The following CRACDL variants were observed in gnomAD, a reference collection of about 807,000 sequenced individuals.
CRACDL encodes the protein CRACD-like protein.
CRACDL carries 26 observed loss-of-function variants against 70.6 expected under a neutral mutation model. The ratio of observed to expected loss-of-function variants is 0.37; its 90% CI spans 0.27 to 0.51. The LOEUF is 0.51. Ranked by LOEUF, CRACDL falls within the 20% of genes least tolerant of loss-of-function variation. The pLI is 0.94. For missense variants in CRACDL, 1,283 were observed against 1,376.9 expected (o/e 0.93, Z 1.08); for synonymous variants, 618 against 615.2 (o/e 1.00, Z -0.07).
At chr2:98,894,206 G>A (rs1708057932) in intron 1 of CRACDL, among the ~76,000 whole-genome samples, 1 of 152,202 alleles carries the variant, frequency 6.6e-6, no homozygotes. Context: ...GATATTTTAG[G>A]TATAGGGGGA....
chr2:98,803,490 TC>T (rs1448218665), intron 7 of CRACDL, among the ~76,000 whole-genome samples: 10 of 152,200 alleles, frequency 6.6e-5, no homozygotes, highest in Non-Finnish European at 1.5e-5. Flanking sequence ...TCTTTCTTGT[TC>T]ATAGAAGTAC....
chr2:98,824,370 T>A (rs1217744677), intron 6 of CRACDL, among the ~76,000 whole-genome samples: 1 of 143,168 alleles, frequency 7.0e-6, no homozygotes, highest in Non-Finnish European at 1.5e-5. Context: ...CAGTTTAAGA[T>A]TCCCCCCTTC....
intron 5 of CRACDL, among the ~76,000 whole-genome samples, chr2:98,831,295 T>C (rs577283531): frequency 4.6e-5 from 7 of 152,286 alleles, no homozygotes; most frequent in African/African-American, 1.7e-4. Flanking sequence ...CTTTTGCCTT[T>C]TTCATCAGTG....
chr2:98,874,666 T>C (rs893624163), intron 1 of CRACDL, among the ~76,000 whole-genome samples: 1 of 152,222 alleles, frequency 6.6e-6, no homozygotes, highest in Admixed American at 6.5e-5. Flanking sequence ...TGGAAGGTTT[T>C]TGGGCAAGGA....
At chr2:98,896,247 G>C (rs1053809412) in intron 1 of CRACDL, among the ~76,000 whole-genome samples, 1 of 152,238 alleles carries the variant, frequency 6.6e-6, no homozygotes, top group Admixed American at 6.5e-5. Context: ...GCGGGCATGA[G>C]AGTGGATGGT....
chr2:98,810,451 A>AG (rs1403423444), intron 7 of CRACDL, among the ~76,000 whole-genome samples: 1 of 152,294 alleles, frequency 6.6e-6, no homozygotes, highest in East Asian at 1.9e-4. Context: ...CTGGGAAGAA[A>AG]GGGTAAGAAG....
At chr2:98,795,077 A>ATATATATTT in intron 9 of CRACDL, among the ~76,000 whole-genome samples, 3 of 58,504 alleles carry the variant, frequency 5.1e-5, no homozygotes, top group African/African-American at 2.0e-4. Context: ...ATATATATAT[A>ATATATATTT]TTTTTTTTTT....
chr2:98,832,078 A>T (rs1274307926), intron 5 of CRACDL, among the ~76,000 whole-genome samples: 1 of 152,206 alleles, frequency 6.6e-6, no homozygotes, highest in Non-Finnish European at 1.5e-5. Flanking sequence ...AGGAAAGTCA[A>T]GGGACAGGGT....
At chr2:98,915,185 C>A (rs372363676) in intron 1 of CRACDL, among the ~76,000 whole-genome samples, 1 of 152,202 alleles carries the variant, frequency 6.6e-6, no homozygotes, top group Non-Finnish European at 1.5e-5. Flanking sequence ...AAGGACATCA[C>A]GTGCCAGACC....
chr2:98,817,172 C>T (rs186121356), intron 7 of CRACDL, among the ~76,000 whole-genome samples: 22 of 151,876 alleles, frequency 1.4e-4, no homozygotes, highest in Admixed American at 9.8e-4. Context: ...AATTGAAGAG[C>T]GGAAAGGTGG....
intron 1 of CRACDL, among the ~76,000 whole-genome samples, chr2:98,917,087 C>G (rs1558638823): frequency 6.6e-6 from 1 of 152,220 alleles, no homozygotes. Flanking sequence ...CTCCCTCCGG[C>G]TCGGCCCACT....
intron 1 of CRACDL, among the ~76,000 whole-genome samples, chr2:98,919,337 A>G (rs1708742542): frequency 6.6e-6 from 1 of 152,186 alleles, no homozygotes; most frequent in Admixed American, 6.5e-5. Flanking sequence ...TATTAATTTC[A>G]GGACAATTTT....
At position 98,866,472 on chromosome 2, in the gene CRACDL, C is replaced by CTTTTTTT. The variant is rs869154325; in HGVS notation, c.-10-19663_-10-19662insAAAAAAA. Among the ~76,000 whole-genome samples the CTTTTTTT allele has an allele frequency of 2.8e-5, 3 of 107,812 alleles. 1 individual carries two copies. The highest frequency in any genetic ancestry group is 3.5e-5 in the African/African-American group (1 of 28,392). 70.7% of individuals were successfully genotyped at this position (107,812 alleles called of 152,430 possible). On this transcript the variant is annotated intron_variant, in intron 1 of 9. Coordinates refer to ENST00000397899, the MANE Select transcript of CRACDL (RefSeq NM_207362.3). ...CACCTGATAGATGAAACAATCACTT[C>CTTTTTTT]TTCTTTTTTTTTTTTTTTTTTTTTT... is the stretch of plus-strand genomic sequence containing the variant.
intron 1 of CRACDL, among the ~76,000 whole-genome samples, chr2:98,899,139 G>A (rs1014677525): frequency 6.6e-6 from 1 of 152,134 alleles, no homozygotes; most frequent in African/African-American, 2.4e-5. Flanking sequence ...GCAGGGTGGT[G>A]GCAGGAACAT....
At chr2:98,839,082 C>T (rs1705913896) in intron 2 of CRACDL, among the ~76,000 whole-genome samples, 1 of 152,190 alleles carries the variant, frequency 6.6e-6, no homozygotes, top group Non-Finnish European at 1.5e-5. Context: ...TACCAGGATG[C>T]TGTCTAATAC....
chr2:98,862,887 C>T (rs1379944433), intron 1 of CRACDL, among the ~76,000 whole-genome samples: 1 of 151,984 alleles, frequency 6.6e-6, no homozygotes, highest in Non-Finnish European at 1.5e-5. Context: ...ATAATGGCTG[C>T]AAACTTTCCA....
chr2:98,929,966 G>A (rs999505197), intron 1 of CRACDL, among the ~76,000 whole-genome samples: 5 of 152,070 alleles, frequency 3.3e-5, no homozygotes, highest in Non-Finnish European at 5.9e-5. Context: ...TCGATACCAC[G>A]ATACATTTGT....
chr2:98,882,962 A>G (rs1020408295), intron 1 of CRACDL, among the ~76,000 whole-genome samples: 3 of 152,204 alleles, frequency 2.0e-5, no homozygotes, highest in Non-Finnish European at 2.9e-5. Flanking sequence ...CTCAGTAACC[A>G]GCAGAATAAG....
intron 7 of CRACDL, among the ~76,000 whole-genome samples, chr2:98,807,603 CCA>C (rs1704366438): frequency 6.6e-6 from 1 of 152,226 alleles, no homozygotes; most frequent in Non-Finnish European, 1.5e-5. Context: ...CACCTCTCCT[CCA>C]CAGTTTACTA....
Sources: allele counts gnomAD v4.1 joint callset (sites outside exome capture counted in the v4.1 genomes callset), GRCh38; gene constraint gnomAD v4.1.1; transcripts MANE v1.5; gene names NCBI Gene and HGNC (gene_info 2026-07-23, HGNC 2026-07-21).